Variants in LYST observed in about 807,000 individuals in gnomAD.
LYST encodes lysosomal trafficking regulator, also known as lysosomal-trafficking regulator.
In LYST, 192 loss-of-function variants were observed where a neutral mutation model predicts 413.6. The observed-to-expected ratio is 0.46, with a 90% CI of 0.41 to 0.52. The LOEUF (loss-of-function observed/expected upper bound fraction) is 0.52. LYST is among the 20% of genes least tolerant of loss of function. The probability of loss-of-function intolerance (pLI) is 0.00; values close to 1 mark genes in which losing one functional copy is unlikely to be tolerated. For synonymous variants in LYST, 1,525 were observed against 1,567.3 expected (o/e 0.97, Z 0.64); for missense variants, 3,815 against 4,499.9 (o/e 0.85, Z 4.35).
intron 28 of LYST, among the ~76,000 whole-genome samples, chr1:235,748,105 T>C (rs1310764049): frequency 6.6e-6 from 1 of 152,200 alleles, no homozygotes; most frequent in Non-Finnish European, 1.5e-5. Context: ...ATAATGCCTG[T>C]CTCATTCTCA....
At chr1:235,829,992 A>G (rs1675771333) in intron 3 of LYST, 1 of 496,972 alleles carries the variant, frequency 2.0e-6, no homozygotes, top group Non-Finnish European at 3.6e-6. Flanking sequence ...AGCATAGTAT[A>G]TATGAAACCA....
In LYST at chr1:235,677,171, C is replaced by T; in HGVS notation, c.10958G>A (p.Ser3653Asn). 1 of 1,613,022 alleles carries T rather than the reference C, an allele frequency of 6.2e-7. No homozygotes were observed. The highest frequency in any genetic ancestry group is 8.5e-7 in the Non-Finnish European group (1 of 1,179,072). ...GACAGGGCTTTTGTGTCCCGCCAGA[C>T]TTTGTACATAGCATAACCTGAAAGA... ...WDLNRLCYVQ[S>N]LAGHKSPVTA... The change falls in exon 50 of 53, where the codon AGT becomes AAT. Residue 3653 changes from serine to asparagine, a missense_variant. Ser to Asn is a conservative substitution (Grantham distance 46, BLOSUM62 1). Transcript: ENST00000389793.
At chr1:235,871,152 ATAAT>A (rs956988735), upstream of LYST, among the ~76,000 whole-genome samples, 5 of 152,368 alleles carry the variant, frequency 3.3e-5, no homozygotes, top group Admixed American at 6.5e-5. Flanking sequence ...AGGTCAATTC[ATAAT>A]TAATGTCTTC....
rs754898913 is a variant in LYST at position 235,810,521 on chromosome 1, C to T, written c.297G>A (p.Pro99=). The part of the protein sequence containing the change: ...QEEKATDFNL[P]LSADIILTKE... ...TGGTCAGGATTATATCTGCTGAGAGCGGTAGGTTAAAATCTAATGGAATGA... is the reference window on the plus strand; with the variant it reads ...TGGTCAGGATTATATCTGCTGAGAGTGGTAGGTTAAAATCTAATGGAATGA... Residue 99 remains proline (P), a synonymous_variant, in exon 5 of 53, where the codon CCG becomes CCA. Transcript: ENST00000389793. 3.8e-5 allele frequency: 62 copies of T among 1,611,112 alleles called. No individual in the cohort carries two copies. The highest frequency in any genetic ancestry group is 6.7e-5 in the East Asian group (3 of 44,848).
chr1:235,771,582 T>G (rs1031982525), intron 19 of LYST, among the ~76,000 whole-genome samples: 1 of 104,752 alleles, frequency 9.5e-6, no homozygotes, highest in African/African-American at 7.7e-5. Flanking sequence ...ATTACACATA[T>G]TTTAATCTAT....
chr1:235,864,249 G>A (rs1308804426), intron 1 of LYST, among the ~76,000 whole-genome samples: 1 of 152,102 alleles, frequency 6.6e-6, no homozygotes, highest in African/African-American at 2.4e-5. Flanking sequence ...TCTGAATAAA[G>A]CCTTACTTAC....
chr1:235,671,501 T>A (rs1025544970), intron 50 of LYST, among the ~76,000 whole-genome samples: 2 of 152,116 alleles, frequency 1.3e-5, no homozygotes, highest in African/African-American at 4.8e-5. Flanking sequence ...GGACAGAATG[T>A]GGGGAGGGTT....
chr1:235,730,936 G>A lies in LYST; in HGVS notation c.8955C>T (p.Val2985=), dbSNP rs1664325310. ...CAAACAGGTAAGAGAGTGGTGGTTT[G>A]ACAACATCTGTTGAGGAGAAAAGTA... The part of the protein sequence containing the change: ...LRDRQKSEDV[V]KPPLSYLFED... The change falls in exon 36 of 53, where the codon GTC becomes GTT. Residue 2985 remains valine, a synonymous_variant. Transcript: ENST00000389793. 3.7e-6 allele frequency: 6 copies of A among 1,612,280 alleles called. No individual in the cohort carries two copies. Among genetic ancestry groups the A allele is most frequent in the South Asian group, 1.1e-5 (1 of 91,032 alleles).
rs762006661 is a variant in LYST at position 235,746,536 on chromosome 1, G to C, written c.7781-9C>G. The stretch of plus-strand genomic sequence containing the variant: ...GGGAAATTTTCGAGGACCTTTAAAA[G>C]TATATAAATTAAAACATCAAATCCC... On this transcript the variant is annotated splice_polypyrimidine_tract_variant and intron_variant, in intron 28 of 52. Coordinates refer to ENST00000389793, the MANE Select transcript of LYST (RefSeq NM_000081.4). The C allele has an allele frequency of 6.2e-7, 1 of 1,600,346 alleles. No individual in the cohort carries two copies. Among genetic ancestry groups the C allele is most frequent in the African/African-American group, 1.3e-5 (1 of 74,630 alleles).
At position 235,800,949 on chromosome 1, in the gene LYST, A is replaced by G; in HGVS notation, c.3861T>C (p.Asp1287=). ...AACTCTCAAATACATGGGCAAGCACATCAAGTTTGGCTTTACTAGCAGAAA... is the reference window on the plus strand; with the variant it reads ...AACTCTCAAATACATGGGCAAGCACGTCAAGTTTGGCTTTACTAGCAGAAA... ...NLLSASKAKL[D]VLAHVFESFL... is the part of the protein sequence containing the mutation. Residue 1287 remains aspartate, a synonymous_variant, in exon 9 of 53, where the codon GAT becomes GAC. Transcript: ENST00000389793. 6.2e-7 allele frequency: 1 copy of G among 1,613,872 alleles called. No homozygotes were observed. The highest frequency in any genetic ancestry group is 1.3e-5 in the African/African-American group (1 of 75,044).
intron 48 of LYST, among the ~76,000 whole-genome samples, chr1:235,682,319 T>C (rs1659889440): frequency 6.6e-6 from 1 of 152,132 alleles, no homozygotes; most frequent in Non-Finnish European, 1.5e-5. Flanking sequence ...GGCAAGACCC[T>C]GTATGCCCAA....
At chr1:235,685,635 C>T (rs896147681) in intron 48 of LYST, among the ~76,000 whole-genome samples, 1 of 152,046 alleles carries the variant, frequency 6.6e-6, no homozygotes, top group Non-Finnish European at 1.5e-5. Context: ...CACCTGAGCT[C>T]AGGAGCTCGA....
At chr1:235,685,319 G>A (rs551784632) in intron 48 of LYST, among the ~76,000 whole-genome samples, 43 of 152,036 alleles carry the variant, frequency 2.8e-4, no homozygotes, top group East Asian at 9.7e-4. Flanking sequence ...GGATCACTGC[G>A]GTGGCCTTCT....
At position 235,833,648 on chromosome 1, in the gene LYST, T is replaced by G. The variant is rs181206683; in HGVS notation, c.-78A>C. The G allele has an allele frequency of 1.5e-5, 14 of 922,624 alleles. No homozygotes were observed. The African/African-American group carries it at 2.5e-4, about 16-fold the overall frequency. The allele number at this position is 922,624 out of a possible 1,614,324, so 57.2% of individuals were successfully genotyped here. A position where few individuals can be genotyped will look rare whatever the true frequency, so the allele number is the denominator to read the frequency against. On this transcript the variant is annotated 5_prime_UTR_variant, in exon 2 of 53. Transcript: ENST00000389793. ...ACTCATAAACTAGATGAAACAAATA[T>G]TCTTAGAACAAAGCTTCACCTACAA...
At chr1:235,827,438 A>C (rs2102983408) in intron 3 of LYST, 1 of 984,152 alleles carries the variant, frequency 1.0e-6, no homozygotes, top group Middle Eastern at 5.2e-4. Context: ...AAATCACCCC[A>C]GAGTACTCAA....
At position 235,809,317 on chromosome 1, in the gene LYST, G is replaced by A. The variant is rs754178725; in HGVS notation, c.1501C>T (p.His501Tyr). 5 of 1,613,930 alleles carry A rather than the reference G, an allele frequency of 3.1e-6. No homozygotes were observed. In the African/African-American group the frequency reaches 6.7e-5, roughly 22 times the overall value. The change falls in exon 5 of 53, where the codon CAC becomes TAC. Residue 501 changes from histidine to tyrosine, a missense_variant. Around this residue, in one of 4 missense-constraint regions of LYST, gnomAD observed 1,648 missense variants for 1,810.3 expected, o/e 0.91. Coordinates refer to ENST00000389793, the MANE Select transcript of LYST (RefSeq NM_000081.4). The surrounding 1 kb of genome is among the most constrained non-coding windows in gnomAD (Gnocchi z 4.0). The part of the protein sequence containing the change: ...LHHSMCTRKR[H>Y]RRCEYSHFMH... Reference sequence around the variant, plus strand: ...AAATGAGAATATTCACATCGTCTGTGCCTTTTTCTTGTACACATCGAATGA... The same window carrying A: ...AAATGAGAATATTCACATCGTCTGTACCTTTTTCTTGTACACATCGAATGA...
intron 1 of LYST, among the ~76,000 whole-genome samples, chr1:235,879,240 G>A (rs923507525): frequency 6.6e-6 from 1 of 152,214 alleles, no homozygotes; most frequent in South Asian, 2.1e-4. Context: ...TTAATACACA[G>A]AAATAATATT....
intron 31 of LYST, chr1:235,738,822 A>G: frequency 2.5e-6 from 2 of 794,628 alleles, no homozygotes; most frequent in Non-Finnish European, 4.6e-6. Flanking sequence ...CCCAATTTCC[A>G]CCATGATTGG....
In LYST at chr1:235,732,191, A is replaced by C. The variant is rs1221334810; in HGVS notation, c.8802-1014T>G. 2.0e-5 allele frequency among the ~76,000 whole-genome samples: 3 copies of C among 152,210 alleles called. No homozygotes were observed. The East Asian group carries it at 5.8e-4, about 29-fold the overall frequency. On this transcript the variant is annotated intron_variant, in intron 34 of 52. Transcript: ENST00000389793. ...ATCTCATCATTTTGAATGGCTGCCC[A>C]ATAAAGAGGTAGATGCATTGTAATG...
Sources: gnomAD v4.1 joint callset for allele counts (sites outside exome capture counted in the v4.1 genomes callset) on GRCh38, gnomAD v4.1.1 for gene constraint, gnomAD v4.1.1 regional missense constraint, Gnocchi (gnomAD v3.1) non-coding constraint, MANE v1.5 for transcripts, NCBI Gene and HGNC (gene_info 2026-07-23, HGNC 2026-07-21) for gene names.